WDFY1: variants seen among roughly 807,000 people sequenced by gnomAD.
WDFY1 encodes the protein WD repeat and FYVE domain containing 1.
WDFY1 carries 32 observed loss-of-function variants against 56.4 expected under a neutral mutation model. The observed-to-expected ratio is 0.57, with a 90% CI of 0.43 to 0.76. The LOEUF is 0.76. WDFY1 is among the 30% of genes least tolerant of loss of function. WDFY1 has a pLI of 0.00. For missense variants in WDFY1, 480 were observed against 545.7 expected, an observed-to-expected ratio of 0.88 and a Z score of 1.20; for synonymous variants, 192 against 197.3, an observed-to-expected ratio of 0.97 and a Z score of 0.23.
intron 2 of WDFY1, among the ~76,000 whole-genome samples, chr2:223,913,993 C>CTTTTTTTTTTTTTTT (rs386392770): frequency 5.7e-5 from 5 of 88,150 alleles, no homozygotes; most frequent in Non-Finnish European, 5.9e-5. Context: ...AATCAGTTAG[C>CTTTTTTTTTTTTTTT]TTTTTTTTTT....
chr2:223,898,194 C>A (rs1693432063), intron 6 of WDFY1, among the ~76,000 whole-genome samples: 1 of 152,058 alleles, frequency 6.6e-6, no homozygotes, highest in Non-Finnish European at 1.5e-5. Flanking sequence ...CCCAGTAATT[C>A]TTTTCCCTCA....
At position 223,878,355 on chromosome 2, in the gene WDFY1, TG is replaced by T. The variant is rs950660514; in HGVS notation, c.*315del. The T allele has an allele frequency of 4.5e-6, 1 of 222,546 alleles. No homozygotes were observed. Among genetic ancestry groups the T allele is most frequent in the African/African-American group, 2.3e-5 (1 of 43,516 alleles). The allele number at this position is 222,546 out of a possible 1,614,324, so 13.8% of individuals were successfully genotyped here. A position where few individuals can be genotyped will look rare whatever the true frequency, so the allele number is the denominator to read the frequency against. On this transcript the variant is annotated 3_prime_UTR_variant, in exon 12 of 12. Transcript: ENST00000233055. ...AGAAGGTTCTAAGCATTCACTTTTT[TG>T]TTTGATTTTTTGTCCCCGCTAAAAC...
intron 4 of WDFY1, among the ~76,000 whole-genome samples, chr2:223,905,685 A>C (rs1173224475): frequency 6.7e-6 from 1 of 149,372 alleles, no homozygotes; most frequent in African/African-American, 2.5e-5. Context: ...TGTGTTATCA[A>C]AAAAAAAATG....
At chr2:223,896,385 G>A (rs1693377692) in intron 6 of WDFY1, among the ~76,000 whole-genome samples, 1 of 151,984 alleles carries the variant, frequency 6.6e-6, no homozygotes, top group Admixed American at 6.6e-5. Flanking sequence ...CATGGCAGGT[G>A]TTTTACCCCA....
rs577249441 is a variant in WDFY1 at position 223,892,251 on chromosome 2, C to T, written c.831+1983G>A. ...TCAGCCTCCCAAAGCGCTGGGATTA[C>T]AGGCATGAGCCACTGCGCTGGCCAC... On this transcript the variant is annotated intron_variant, in intron 8 of 11. Transcript: ENST00000233055. Among the ~76,000 whole-genome samples the T allele has an allele frequency of 7.2e-5, 11 of 152,332 alleles. No homozygotes were observed. In the South Asian group the frequency reaches 2.3e-3, roughly 32 times the overall value.
intron 1 of WDFY1, among the ~76,000 whole-genome samples, chr2:223,918,676 G>T: frequency 6.6e-6 from 1 of 151,940 alleles, no homozygotes; most frequent in African/African-American, 2.4e-5. Context: ...AAATGACATA[G>T]AAAGAAAACA....
At chr2:223,891,001 T>C (rs1413054566) in intron 8 of WDFY1, among the ~76,000 whole-genome samples, 1 of 152,146 alleles carries the variant, frequency 6.6e-6, no homozygotes, top group African/African-American at 2.4e-5. Flanking sequence ...GACAGGGGAC[T>C]TGGAGAGAAA....
chr2:223,903,998 T>G (rs934627536), intron 4 of WDFY1, among the ~76,000 whole-genome samples: 7 of 152,210 alleles, frequency 4.6e-5, no homozygotes, highest in African/African-American at 1.4e-4. Flanking sequence ...GCCTGGCATT[T>G]AAAGGTCTCC....
chr2:223,886,961 G>A (rs976497327), intron 8 of WDFY1, among the ~76,000 whole-genome samples: 2 of 151,976 alleles, frequency 1.3e-5, no homozygotes, highest in Admixed American at 1.3e-4. Context: ...ACAGACATTA[G>A]AAAGGCCTTT....
intron 10 of WDFY1, 116 bp from the exon 11 acceptor site, chr2:223,880,348 T>C (rs1693044436): frequency 4.7e-6 from 4 of 847,390 alleles, no homozygotes; most frequent in South Asian, 4.7e-5. Context: ...GGCTCATGTC[T>C]GTACCCCCAG....
intron 1 of WDFY1, among the ~76,000 whole-genome samples, chr2:223,935,500 G>C (rs1694154314): frequency 6.6e-6 from 1 of 152,222 alleles, no homozygotes; most frequent in Non-Finnish European, 1.5e-5. Context: ...AGAGAGGGAA[G>C]ATGAATACCT....
intron 1 of WDFY1, among the ~76,000 whole-genome samples, chr2:223,924,517 C>G (rs1051332945): frequency 2.0e-5 from 3 of 152,146 alleles, no homozygotes; most frequent in Non-Finnish European, 4.4e-5. Context: ...GCATGTGTCA[C>G]CATGCCTGGC....
intron 1 of WDFY1, among the ~76,000 whole-genome samples, chr2:223,939,272 C>G (rs1689257481): frequency 6.6e-6 from 1 of 152,158 alleles, no homozygotes; most frequent in Non-Finnish European, 1.5e-5. Context: ...GATGCACATT[C>G]AAGTTAAGGA....
chr2:223,924,610 C>T (rs1005067400), intron 1 of WDFY1, among the ~76,000 whole-genome samples: 5 of 152,096 alleles, frequency 3.3e-5, no homozygotes, highest in Non-Finnish European at 7.4e-5. Context: ...GTGATCTGCC[C>T]GCCTCGGCCT....
At chr2:223,923,830 T>C (rs1693931775) in intron 1 of WDFY1, among the ~76,000 whole-genome samples, 1 of 152,248 alleles carries the variant, frequency 6.6e-6, no homozygotes, top group South Asian at 2.1e-4. Flanking sequence ...TTATTTTTTG[T>C]ATAAATCACA....
At chr2:223,940,816 T>A (rs1340837608) in intron 1 of WDFY1, among the ~76,000 whole-genome samples, 1 of 149,396 alleles carries the variant, frequency 6.7e-6, no homozygotes, top group Non-Finnish European at 1.5e-5. Flanking sequence ...CTAATTTTTG[T>A]GGGTTTTTTT....
At chr2:223,930,897 C>T (rs1266450764) in intron 1 of WDFY1, among the ~76,000 whole-genome samples, 4 of 152,334 alleles carry the variant, frequency 2.6e-5, no homozygotes, top group African/African-American at 9.6e-5. Context: ...AGCTGGCCCA[C>T]GGCTGGCCAC....
intron 5 of WDFY1, among the ~76,000 whole-genome samples, chr2:223,900,402 G>C (rs1693485889): frequency 6.6e-6 from 1 of 152,170 alleles, no homozygotes. Flanking sequence ...ATTTTACTAA[G>C]CCAGACATTC....
chr2:223,902,906 G>A (rs1163007879), intron 4 of WDFY1, among the ~76,000 whole-genome samples: 1 of 151,958 alleles, frequency 6.6e-6, no homozygotes, highest in Non-Finnish European at 1.5e-5. Context: ...ACAGTCATAG[G>A]GTTTAAACTA....
Sources: allele counts gnomAD v4.1 joint callset (sites outside exome capture counted in the v4.1 genomes callset), GRCh38; gene constraint gnomAD v4.1.1; transcripts MANE v1.5; gene names NCBI Gene and HGNC (gene_info 2026-07-23, HGNC 2026-07-21).